The following DCUN1D5 variants were observed in gnomAD, a reference collection of about 807,000 sequenced individuals.
The protein encoded by DCUN1D5 is DCN1-like protein 5.
Under a neutral mutation model 38.3 loss-of-function variants are expected in DCUN1D5, and 10 were observed. The observed-to-expected ratio is 0.26, with a 90% CI of 0.16 to 0.44. DCUN1D5 has a LOEUF of 0.44. Among genes scored for constraint, DCUN1D5 ranks in the 20% least tolerant of loss-of-function variants. DCUN1D5 has a pLI of 1.00. For missense variants in DCUN1D5, 148 were observed against 275.3 expected (o/e 0.54, Z 3.27); for synonymous variants, 93 against 90.9 (o/e 1.02, Z -0.13).
chr11:103,074,966 T>G lies in DCUN1D5; in HGVS notation c.341+7782A>C, dbSNP rs567358111. 5.9e-5 allele frequency among the ~76,000 whole-genome samples: 9 copies of G among 152,332 alleles called. No individual in the cohort carries two copies. In the South Asian group the frequency reaches 1.9e-3, roughly 32 times the overall value. On this transcript the variant is annotated intron_variant, in intron 4 of 7. Coordinates refer to ENST00000260247, the MANE Select transcript of DCUN1D5 (RefSeq NM_032299.4). ...GTGTAAAATTTCTCTATGGAAGAAC[T>G]GCTTCCATTACAAACAGGGGAGTCT... is the stretch of plus-strand genomic sequence containing the variant.
In DCUN1D5 at chr11:103,054,461, G is replaced by A. The variant is rs898024412; in HGVS notation, c.*7898C>T. On this transcript the variant is annotated 3_prime_UTR_variant, in exon 8 of 8. Transcript: ENST00000260247. Reference sequence around the variant, plus strand: ...TGAATTGTGTGATGGGCACTTGGAGGCACCAAAAATAAGTGAGTCAGGATT... The same window carrying A: ...TGAATTGTGTGATGGGCACTTGGAGACACCAAAAATAAGTGAGTCAGGATT... The A allele has an allele frequency of 6.6e-6, 1 of 151,982 alleles. No homozygotes were observed. The highest frequency in any genetic ancestry group is 6.6e-5 in the Admixed American group (1 of 15,236). 9.4% of individuals were successfully genotyped at this position (151,982 alleles called of 1,614,324 possible). A position where few individuals can be genotyped will look rare whatever the true frequency, so the allele number is the denominator to read the frequency against.
At position 103,075,677 on chromosome 11, in the gene DCUN1D5, C is replaced by T. The variant is rs561280293; in HGVS notation, c.341+7071G>A. Among the ~76,000 whole-genome samples, 5 of 152,244 alleles carry T rather than the reference C, an allele frequency of 3.3e-5. No homozygotes were observed. In the East Asian group the frequency reaches 9.7e-4, roughly 29 times the overall value. Reference sequence around the variant, plus strand: ...TACAGGCGTGAGCCACCGGGCCTGGCCAAGATGTTTTTATATGTTATCCAG... The same window carrying T: ...TACAGGCGTGAGCCACCGGGCCTGGTCAAGATGTTTTTATATGTTATCCAG... On this transcript the variant is annotated intron_variant, in intron 4 of 7. Coordinates refer to ENST00000260247, the MANE Select transcript of DCUN1D5 (RefSeq NM_032299.4).
intron 4 of DCUN1D5, among the ~76,000 whole-genome samples, chr11:103,070,185 G>A (rs556176711): frequency 2.6e-5 from 4 of 150,982 alleles, no homozygotes; most frequent in African/African-American, 9.7e-5. Flanking sequence ...TTTTTGAACT[G>A]TAAAATACAA....
At chr11:103,082,134 C>T (rs2134630038) in intron 4 of DCUN1D5, among the ~76,000 whole-genome samples, 1 of 152,048 alleles carries the variant, frequency 6.6e-6, no homozygotes, top group Admixed American at 6.5e-5. Flanking sequence ...TCAGGAAAGC[C>T]AAAATCAAAT....
intron 4 of DCUN1D5, among the ~76,000 whole-genome samples, chr11:103,081,388 C>A (rs1862561047): frequency 6.6e-6 from 1 of 152,034 alleles, no homozygotes; most frequent in African/African-American, 2.4e-5. Flanking sequence ...TAATCTTTCT[C>A]CAAAAAGCTA....
rs752082088 is a variant in DCUN1D5 at position 103,062,284 on chromosome 11, T to A, written c.*75A>T. On this transcript the variant is annotated 3_prime_UTR_variant, in exon 8 of 8. Coordinates refer to ENST00000260247, the MANE Select transcript of DCUN1D5 (RefSeq NM_032299.4). The surrounding 1 kb of genome is among the most constrained non-coding windows in gnomAD (Gnocchi z 4.6). The stretch of plus-strand genomic sequence containing the variant: ...ATGAATGAAAATGCACCCGTTGGAT[T>A]TTTTTCCCCCTCATCACATTAGCTT... 4 of 1,428,784 alleles carry A rather than the reference T, an allele frequency of 2.8e-6. No homozygotes were observed. The highest frequency in any genetic ancestry group is 3.9e-6 in the Non-Finnish European group (4 of 1,024,338). 88.5% of individuals were successfully genotyped at this position (1,428,784 alleles called of 1,614,324 possible). A position where few individuals can be genotyped will look rare whatever the true frequency, so the allele number is the denominator to read the frequency against.
rs532298881 is a variant in DCUN1D5, at chr11:103,077,117, G to A, written c.341+5631C>T. ...CAGGAGTCTGAAGCAGGGGAATGGC[G>A]TGAACCCGGGAGGCGGAGCTTGCAG... On this transcript the variant is annotated intron_variant, in intron 4 of 7. Transcript: ENST00000260247. This position sits in a 1 kb window ranked among gnomAD's most constrained non-coding sequence, Gnocchi z 4.3. Among the ~76,000 whole-genome samples, 5 of 152,106 alleles carry A rather than the reference G, an allele frequency of 3.3e-5. No individual in the cohort carries two copies. In the South Asian group the frequency reaches 6.2e-4, roughly 19 times the overall value.
Position 103,060,904 on chromosome 11 carries a change from T to C in DCUN1D5, c.*1455A>G, listed in dbSNP as rs1289897564. ...TAACACCACTGGTATGCTCAGTTCA[T>C]AACTCAGTGATTCTAATACTTAAGA... is the stretch of plus-strand genomic sequence containing the variant. On this transcript the variant is annotated 3_prime_UTR_variant, in exon 8 of 8. Transcript: ENST00000260247. 6.6e-6 allele frequency among the ~76,000 whole-genome samples: 1 copy of C among 152,172 alleles called. No individual in the cohort carries two copies. The highest frequency in any genetic ancestry group is 1.9e-4 in the East Asian group (1 of 5,202).
Position 103,091,517 on chromosome 11 carries a change from T to G in DCUN1D5, c.86+270A>C. 4 of 429,066 alleles carry G rather than the reference T, an allele frequency of 9.3e-6. No homozygotes were observed. Among genetic ancestry groups the G allele is most frequent in the Non-Finnish European group, 8.6e-6 (2 of 232,800 alleles). The allele number at this position is 429,066 out of a possible 1,614,324, so 26.6% of individuals were successfully genotyped here. On this transcript the variant is annotated intron_variant, in intron 1 of 7. Transcript: ENST00000260247. This position sits in a 1 kb window ranked among gnomAD's most constrained non-coding sequence, Gnocchi z 4.3. ...GGGGTGGGGGGAAGCGCAATTTACA[T>G]ATGCATCTGTTCCCCACCCTGCAGG...
Position 103,058,330 on chromosome 11 carries a change from A to G in DCUN1D5, c.*4029T>C, listed in dbSNP as rs566939689. 6.6e-6 allele frequency among the ~76,000 whole-genome samples: 1 copy of G among 152,348 alleles called. No individual in the cohort carries two copies. The highest frequency in any genetic ancestry group is 1.9e-4 in the East Asian group (1 of 5,186). On this transcript the variant is annotated 3_prime_UTR_variant, in exon 8 of 8. Coordinates refer to ENST00000260247, the MANE Select transcript of DCUN1D5 (RefSeq NM_032299.4). ...ACACTATCTGTACTAATAGAATGTA[A>G]AAGATTGTAAGGTGGACACAGCAAA... is the stretch of plus-strand genomic sequence containing the variant.
intron 4 of DCUN1D5, among the ~76,000 whole-genome samples, chr11:103,070,013 A>G (rs953968450): frequency 5.9e-5 from 9 of 152,170 alleles, no homozygotes; most frequent in African/African-American, 2.2e-4. Flanking sequence ...AATGACAGAG[A>G]TGTTCAGAAT....
Position 103,050,714 on chromosome 11 carries a change from C to G in DCUN1D5, c.*11645G>C, listed in dbSNP as rs1861705362. On this transcript the variant is annotated 3_prime_UTR_variant, in exon 8 of 8. Coordinates refer to ENST00000260247, the MANE Select transcript of DCUN1D5 (RefSeq NM_032299.4). ...TATACAAGTGAAATCATTTATTTAT[C>G]TATTCATTTTCATTTATTCCATTTA... 3 of 152,136 alleles carry G rather than the reference C, an allele frequency of 2.0e-5. No homozygotes were observed. The South Asian group carries it at 6.2e-4, about 32-fold the overall frequency. The allele number at this position is 152,136 out of a possible 1,614,324, so 9.4% of individuals were successfully genotyped here.
chr11:103,089,110 A>AT, intron 2 of DCUN1D5, 117 bp downstream of exon 2: 1 of 924,582 alleles, frequency 1.1e-6, no homozygotes, highest in South Asian at 2.7e-5. Context: ...CCTGACCCTC[A>AT]TCCCAGTACA....
rs138872526 is a variant in DCUN1D5 at position 103,068,324 on chromosome 11, T to C, written c.342-1757A>G. Reference sequence around the variant, plus strand: ...ATCATTCGATCCAGCAATCCCATTATTGGATATATACCCAGAGGAATATAA... The same window carrying C: ...ATCATTCGATCCAGCAATCCCATTACTGGATATATACCCAGAGGAATATAA... On this transcript the variant is annotated intron_variant, in intron 4 of 7. Coordinates refer to ENST00000260247, the MANE Select transcript of DCUN1D5 (RefSeq NM_032299.4). Among the ~76,000 whole-genome samples, 697 of 152,262 alleles carry C rather than the reference T, an allele frequency of 4.6e-3. 5 individuals carry two copies. The highest frequency in any genetic ancestry group is 0.016 in the African/African-American group (647 of 41,564).
chr11:103,073,997 G>A lies in DCUN1D5; in HGVS notation c.342-7430C>T, dbSNP rs1862343155. Among the ~76,000 whole-genome samples, 1 of 152,140 alleles carries A rather than the reference G, an allele frequency of 6.6e-6. No individual in the cohort carries two copies. The highest frequency in any genetic ancestry group is 1.5e-5 in the Non-Finnish European group (1 of 68,022). On this transcript the variant is annotated intron_variant, in intron 4 of 7. Transcript: ENST00000260247. This position sits in a 1 kb window ranked among gnomAD's most constrained non-coding sequence, Gnocchi z 4.2. ...ATGTGGGAGGATCGCTTGAACCCAG[G>A]AGGTGAAGGTTGAAGTCAGCCAAGA...
At chr11:103,089,093 C>A in intron 2 of DCUN1D5, 134 bp downstream of exon 2, 1 of 722,626 alleles carries the variant, frequency 1.4e-6, no homozygotes, top group Non-Finnish European at 2.0e-6. Context: ...TACCCACAAT[C>A]TTCAGTCCTG....
Position 103,072,703 on chromosome 11 carries a change from TG to T in DCUN1D5, c.342-6137del, listed in dbSNP as rs1200741668. ...CATGTTCTCACTCATAGGTGGGAACTGAACAATGAGAACACTTGGACACAGG... is the reference window on the plus strand; with the variant it reads ...CATGTTCTCACTCATAGGTGGGAACTAACAATGAGAACACTTGGACACAGG... On this transcript the variant is annotated intron_variant, in intron 4 of 7. Coordinates refer to ENST00000260247, the MANE Select transcript of DCUN1D5 (RefSeq NM_032299.4). 9.5e-5 allele frequency among the ~76,000 whole-genome samples: 12 copies of T among 126,402 alleles called. No individual in the cohort carries two copies. In the South Asian group the frequency reaches 2.7e-3, roughly 29 times the overall value. 82.9% of individuals were successfully genotyped at this position (126,402 alleles called of 152,430 possible).
intron 4 of DCUN1D5, among the ~76,000 whole-genome samples, chr11:103,080,720 C>T (rs1345463215): frequency 6.6e-6 from 1 of 152,106 alleles, no homozygotes; most frequent in African/African-American, 2.4e-5. Context: ...TAATAAAAAC[C>T]GTGCTTGGCC....
chr11:103,070,043 T>C (rs1382394478), intron 4 of DCUN1D5, among the ~76,000 whole-genome samples: 2 of 151,386 alleles, frequency 1.3e-5, no homozygotes, highest in Admixed American at 6.6e-5. Context: ...CATTTTAAAT[T>C]AGCTATCACA....
Sources: allele counts gnomAD v4.1 joint callset (sites outside exome capture counted in the v4.1 genomes callset), GRCh38; gene constraint gnomAD v4.1.1; non-coding constraint Gnocchi (gnomAD v3.1); transcripts MANE v1.5; gene names NCBI Gene and HGNC (gene_info 2026-07-23, HGNC 2026-07-21).